Variants in ADCYAP1R1 observed in about 807,000 individuals in gnomAD.
ADCYAP1R1 encodes ADCYAP receptor type I.
In ADCYAP1R1, 44 loss-of-function variants were observed where a neutral mutation model predicts 67.6. That is an observed-to-expected ratio of 0.65 (90% CI 0.51 to 0.84). ADCYAP1R1 has a LOEUF of 0.84. Ranked by LOEUF, ADCYAP1R1 falls within the 40% of genes least tolerant of loss-of-function variation. The probability of loss-of-function intolerance (pLI) is 0.00; values close to 1 mark genes in which losing one functional copy is unlikely to be tolerated. For synonymous variants in ADCYAP1R1, 222 were observed against 219.6 expected (o/e 1.01, Z -0.10); for missense variants, 477 against 587.9 (o/e 0.81, Z 1.95).
At chr7:31,106,389 T>G (rs1584555184) in intron 15 of ADCYAP1R1, 107 bp from the exon 16 acceptor site, 1 of 1,337,282 alleles carries the variant, frequency 7.5e-7, no homozygotes. Flanking sequence ...GTGGGGAGGG[T>G]GCTGAGGGTG....
intron 12 of ADCYAP1R1, among the ~76,000 whole-genome samples, chr7:31,090,446 A>G (rs780849499): frequency 3.3e-5 from 5 of 152,176 alleles, no homozygotes; most frequent in Non-Finnish European, 7.3e-5. Context: ...GATCCAGGGA[A>G]TACATGTGCA....
chr7:31,104,306 T>C (rs1796552093), intron 14 of ADCYAP1R1, among the ~76,000 whole-genome samples: 1 of 152,224 alleles, frequency 6.6e-6, no homozygotes, highest in Admixed American at 6.5e-5. Context: ...ATTTGCAGCA[T>C]TCAAGAAAAT....
intron 12 of ADCYAP1R1, among the ~76,000 whole-genome samples, chr7:31,088,416 T>C (rs932487817): frequency 2.0e-5 from 3 of 152,232 alleles, no homozygotes; most frequent in African/African-American, 4.8e-5. Flanking sequence ...TTCTGGTTGA[T>C]GGAGGCCTTT....
chr7:31,064,684 C>A (rs1198698279), intron 2 of ADCYAP1R1, 147 bp from the exon 3 acceptor site: 3 of 642,694 alleles, frequency 4.7e-6, no homozygotes, highest in Non-Finnish European at 8.2e-6. Context: ...AATGTCAGGG[C>A]CCCTGCTGGC....
At chr7:31,080,570 C>T (rs199782528) in intron 4 of ADCYAP1R1, 43 bp from the exon 5 acceptor site, 1 of 1,607,840 alleles carries the variant, frequency 6.2e-7, no homozygotes, top group African/African-American at 1.3e-5. Context: ...CACCCCGCTG[C>T]TCACCTCTGA....
intron 3 of ADCYAP1R1, among the ~76,000 whole-genome samples, chr7:31,070,277 A>G (rs1794916917): frequency 6.6e-6 from 1 of 152,236 alleles, no homozygotes; most frequent in Admixed American, 6.5e-5. Flanking sequence ...GGTTTTCATC[A>G]GCCCAGAAAC....
intron 6 of ADCYAP1R1, among the ~76,000 whole-genome samples, chr7:31,082,212 C>T (rs762466819): frequency 4.6e-5 from 7 of 152,192 alleles, no homozygotes; most frequent in African/African-American, 1.7e-4. Context: ...TGATCCGGGA[C>T]GGGCACCCCT....
At chr7:31,077,679 GGTGTGTGGT>G (rs1444733413) in intron 3 of ADCYAP1R1, among the ~76,000 whole-genome samples, 43 of 130,192 alleles carry the variant, frequency 3.3e-4, no homozygotes, top group East Asian at 1.7e-3. Flanking sequence ...ATGTGTGAGT[GGTGTGTGGT>G]GTGTGTGGTG....
intron 1 of ADCYAP1R1, among the ~76,000 whole-genome samples, chr7:31,062,403 G>A (rs577994876): frequency 2.0e-5 from 3 of 152,186 alleles, no homozygotes; most frequent in Admixed American, 1.3e-4. Flanking sequence ...ACTTCATCCC[G>A]AAGATGAAGT....
At chr7:31,092,104 C>T (rs1795986002) in intron 12 of ADCYAP1R1, among the ~76,000 whole-genome samples, 1 of 148,204 alleles carries the variant, frequency 6.7e-6, no homozygotes, top group Non-Finnish European at 1.5e-5. Context: ...TATTTCTTTG[C>T]TTCCCTTCCT....
At position 31,064,716 on chromosome 7, in the gene ADCYAP1R1, C is replaced by A. The variant is rs1794658133; in HGVS notation, c.52-115C>A. On this transcript the variant is annotated intron_variant, in intron 2 of 15. Transcript: ENST00000304166. ...TGGCCCTGACATCTCTTGTCACCCT[C>A]CTCTCTGCTTCTGCTCCCCACTCCC... 3 of 786,360 alleles carry A rather than the reference C, an allele frequency of 3.8e-6. No homozygotes were observed. In the East Asian group the frequency reaches 8.0e-5, roughly 21 times the overall value. 48.7% of individuals were successfully genotyped at this position (786,360 alleles called of 1,614,324 possible).
chr7:31,076,809 T>TG (rs1050001789), intron 3 of ADCYAP1R1, among the ~76,000 whole-genome samples: 36 of 152,004 alleles, frequency 2.4e-4, no homozygotes, highest in Non-Finnish European at 5.3e-4. Context: ...TTAGGGCGGA[T>TG]GGGGGGCCCT....
intron 14 of ADCYAP1R1, among the ~76,000 whole-genome samples, chr7:31,103,761 CAG>C (rs1796528806): frequency 6.6e-6 from 1 of 152,052 alleles, no homozygotes; most frequent in African/African-American, 2.4e-5. Context: ...GGCCTGGCCA[CAG>C]AGAGCCCAGT....
chr7:31,094,091 C>T (rs1316182268), intron 13 of ADCYAP1R1, among the ~76,000 whole-genome samples: 2 of 152,150 alleles, frequency 1.3e-5, no homozygotes, highest in Non-Finnish European at 2.9e-5. Context: ...TTTTTTCTAC[C>T]TATACAATGA....
intron 1 of ADCYAP1R1, among the ~76,000 whole-genome samples, chr7:31,055,634 C>T (rs1184437579): frequency 6.6e-6 from 1 of 152,204 alleles, no homozygotes; most frequent in African/African-American, 2.4e-5. Context: ...AAAAAGCATT[C>T]CTGGCTCACT....
chr7:31,073,963 G>C (rs1298582640), intron 3 of ADCYAP1R1, among the ~76,000 whole-genome samples: 1 of 152,228 alleles, frequency 6.6e-6, no homozygotes, highest in East Asian at 1.9e-4. Context: ...AGGGCTTTGA[G>C]AGCTGTGGAA....
At chr7:31,097,861 A>T (rs568683828) in intron 13 of ADCYAP1R1, among the ~76,000 whole-genome samples, 1 of 152,210 alleles carries the variant, frequency 6.6e-6, no homozygotes, top group Non-Finnish European at 1.5e-5. Flanking sequence ...ACCCAAGCCA[A>T]GGTTGAGGGG....
chr7:31,083,513 CT>C (rs1285140292), intron 6 of ADCYAP1R1, among the ~76,000 whole-genome samples: 2 of 152,242 alleles, frequency 1.3e-5, no homozygotes, highest in Non-Finnish European at 2.9e-5. Context: ...AAAGACAACA[CT>C]TTAAAAGAAA....
chr7:31,064,435 A>G lies in ADCYAP1R1; in HGVS notation c.52-396A>G, dbSNP rs528797236. 2.4e-3 allele frequency among the ~76,000 whole-genome samples: 373 copies of G among 152,334 alleles called. 1 individual carries two copies. The highest frequency in any genetic ancestry group is 4.4e-3 in the East Asian group (23 of 5,186). ...AAGTGACTTAACATCTCTGTACTTA[A>G]GTTTCCACATCAGTAAAATGGAAAA... is the stretch of plus-strand genomic sequence containing the variant. On this transcript the variant is annotated intron_variant, in intron 2 of 15. Coordinates refer to ENST00000304166, the MANE Select transcript of ADCYAP1R1 (RefSeq NM_001118.5).
Sources: allele counts gnomAD v4.1 joint callset (sites outside exome capture counted in the v4.1 genomes callset), GRCh38; gene constraint gnomAD v4.1.1; transcripts MANE v1.5; gene names NCBI Gene and HGNC (gene_info 2026-07-23, HGNC 2026-07-21).